The following SHPK variants were observed in gnomAD, a reference collection of about 807,000 sequenced individuals.
SHPK encodes the protein sedoheptulokinase, also known as carbohydrate kinase-like protein.
In SHPK, 51 loss-of-function variants were observed where a neutral mutation model predicts 46.3. The observed-to-expected ratio is 1.10, with a 90% confidence interval of 0.88 to 1.39. The LOEUF (loss-of-function observed/expected upper bound fraction) is 1.39. Among genes scored for constraint, SHPK ranks in the 40% most tolerant of loss-of-function variants. SHPK has a pLI of 0.00. For missense variants in SHPK, 668 were observed against 641.3 expected (o/e 1.04, Z -0.45); for synonymous variants, 290 against 273.9 (o/e 1.06, Z -0.58).
chr17:3,629,616 T>C (rs1198603333), intron 2 of SHPK, among the ~76,000 whole-genome samples: 1 of 151,404 alleles, frequency 6.6e-6, no homozygotes, highest in Non-Finnish European at 1.5e-5. Flanking sequence ...TAGTCCCAGC[T>C]ACTCTGGAGG....
chr17:3,622,359 G>A (rs1246735029), intron 4 of SHPK, among the ~76,000 whole-genome samples: 1 of 152,214 alleles, frequency 6.6e-6, no homozygotes, highest in African/African-American at 2.4e-5. Context: ...AGCCTCCCAT[G>A]TTTGAAGGGA....
Position 3,621,396 on chromosome 17 carries a change from A to G in SHPK, c.664T>C (p.Phe222Leu). The G allele has an allele frequency of 6.2e-7, 1 of 1,613,890 alleles. No individual in the cohort carries two copies. The highest frequency in any genetic ancestry group is 8.5e-7 in the Non-Finnish European group (1 of 1,179,896). ...WNVETLRSSGFPVHLLPDIAE... is the reference protein window; with the variant it reads ...WNVETLRSSGLPVHLLPDIAE... Reference sequence around the variant, plus strand: ...ATGTCTGGGAGCAGGTGGACAGGAAAACCCGAGCTCCTCAGTCTGTAAAAC... The same window carrying G: ...ATGTCTGGGAGCAGGTGGACAGGAAGACCCGAGCTCCTCAGTCTGTAAAAC... Residue 222 changes from phenylalanine (F) to leucine (L), a missense_variant, in exon 5 of 7, where the codon TTT (phenylalanine) becomes CTT (leucine). Physicochemically the swap from Phe to Leu is conservative, Grantham distance 22. Coordinates refer to ENST00000225519, the MANE Select transcript of SHPK (RefSeq NM_013276.4).
At position 3,608,776 on chromosome 17, in the gene SHPK, G is replaced by A. The variant is rs755673965; in HGVS notation, c.*1784C>T. The stretch of plus-strand genomic sequence containing the variant: ...CAAGGCTTTTCTGAGGATGATCTAC[G>A]AATTCTCCCCAGAGCACTTCAACCT... On this transcript the variant is annotated 3_prime_UTR_variant, in exon 7 of 7. Coordinates refer to ENST00000225519, the MANE Select transcript of SHPK (RefSeq NM_013276.4). 5.3e-5 allele frequency: 8 copies of A among 152,148 alleles called. No homozygotes were observed. The highest frequency in any genetic ancestry group is 1.7e-4 in the African/African-American group (7 of 41,432). 9.4% of individuals were successfully genotyped at this position (152,148 alleles called of 1,614,324 possible).
intron 6 of SHPK, among the ~76,000 whole-genome samples, chr17:3,613,669 A>G (rs571351794): frequency 7.9e-5 from 12 of 151,992 alleles, no homozygotes; most frequent in African/African-American, 2.4e-4. Flanking sequence ...GCGCCTGGCT[A>G]TTTTATTTTT....
intron 2 of SHPK, among the ~76,000 whole-genome samples, chr17:3,627,374 C>G (rs1410453458): frequency 1.3e-5 from 2 of 152,274 alleles, no homozygotes; most frequent in East Asian, 3.9e-4. Context: ...GGTGCCCTCA[C>G]TGAAGCACTT....
At chr17:3,619,626 G>C in intron 5 of SHPK, 1 of 371,028 alleles carries the variant, frequency 2.7e-6, no homozygotes, top group Non-Finnish European at 5.1e-6. Flanking sequence ...CCATCTACTC[G>C]GGAGGACAAG....
intron 4 of SHPK, chr17:3,622,679 C>A: frequency 2.4e-5 from 13 of 530,650 alleles, no homozygotes; most frequent in Non-Finnish European, 2.6e-5. Context: ...AGGCATCCTT[C>A]AAGCCTACTA....
chr17:3,621,561 C>A (rs222784), intron 4 of SHPK, 149 bp from the exon 5 acceptor site: 1 of 642,414 alleles, frequency 1.6e-6, no homozygotes, highest in Non-Finnish European at 2.6e-6. Flanking sequence ...TTTACTCCTT[C>A]CCTCTTTCCC....
chr17:3,628,326 CTT>C (rs145231493), intron 2 of SHPK, among the ~76,000 whole-genome samples: 47 of 144,754 alleles, frequency 3.2e-4, no homozygotes, highest in Non-Finnish European at 3.2e-4. Context: ...TTCATAATTT[CTT>C]TTTTTTTTTT....
chr17:3,620,812 G>C (rs2075396034), intron 5 of SHPK, among the ~76,000 whole-genome samples: 1 of 152,026 alleles, frequency 6.6e-6, no homozygotes. Flanking sequence ...GCCTGCCTCG[G>C]CCTCCCAAAG....
intron 5 of SHPK, among the ~76,000 whole-genome samples, chr17:3,616,015 G>A (rs1023972109): frequency 6.6e-6 from 1 of 151,924 alleles, no homozygotes; most frequent in Non-Finnish European, 1.5e-5. Context: ...TACCACGCCT[G>A]GCTAATTTTT....
At chr17:3,619,854 C>A in intron 5 of SHPK, 1 of 327,640 alleles carries the variant, frequency 3.1e-6, no homozygotes. Flanking sequence ...CTGCTGTCTA[C>A]CTGTGAGCAC....
At chr17:3,627,934 G>T (rs530327942) in intron 2 of SHPK, among the ~76,000 whole-genome samples, 9 of 151,924 alleles carry the variant, frequency 5.9e-5, no homozygotes, top group Admixed American at 1.3e-4. Flanking sequence ...GCCACTGCTC[G>T]GTGCCAAGCA....
In SHPK at chr17:3,625,864, A is replaced by C. The variant is rs139692677; in HGVS notation, c.311-1633T>G. ...GGTGAGGAGTTCGAGACCAGCCTGG[A>C]CAACATGGCGAAACCCCATCTCTAC... On this transcript the variant is annotated intron_variant, in intron 2 of 6. Transcript: ENST00000225519. Among the ~76,000 whole-genome samples, 361 of 152,112 alleles carry C rather than the reference A, an allele frequency of 2.4e-3. 4 individuals carry two copies. The East Asian group carries it at 0.024, about 10-fold the overall frequency.
At chr17:3,619,625 C>G (rs185697716) in intron 5 of SHPK, 330 of 370,192 alleles carry the variant, frequency 8.9e-4, no homozygotes, top group Non-Finnish European at 1.5e-3. Context: ...CCCATCTACT[C>G]GGGAGGACAA....
intron 2 of SHPK, among the ~76,000 whole-genome samples, chr17:3,629,265 GATC>G (rs2075456036): frequency 6.6e-6 from 1 of 152,142 alleles, no homozygotes; most frequent in Admixed American, 6.6e-5. Flanking sequence ...TATCCGACGA[GATC>G]ATGCAACTGA....
In SHPK at chr17:3,628,783, G is replaced by A. The variant is rs552146894; in HGVS notation, c.310+1422C>T. ...CTCACCTCAGCCTCCCAAGTAGCTG[G>A]GACTATAAACATGTCGCACCACACC... is the stretch of plus-strand genomic sequence containing the variant. On this transcript the variant is annotated intron_variant, in intron 2 of 6. Coordinates refer to ENST00000225519, the MANE Select transcript of SHPK (RefSeq NM_013276.4). Among the ~76,000 whole-genome samples the A allele has an allele frequency of 1.8e-3, 275 of 152,082 alleles. 2 individuals carry two copies. The highest frequency in any genetic ancestry group is 6.5e-3 in the African/African-American group (269 of 41,480).
At chr17:3,635,123 G>C (rs1173643780) in intron 1 of SHPK, among the ~76,000 whole-genome samples, 3 of 151,242 alleles carry the variant, frequency 2.0e-5, no homozygotes, top group Admixed American at 6.6e-5. Context: ...AGTGAGCCCA[G>C]ATCACGCCAC....
intron 1 of SHPK, among the ~76,000 whole-genome samples, chr17:3,635,236 A>AGGAAGGGAGGGAAGGAAGGAAG (rs1555556002): frequency 3.0e-5 from 4 of 132,356 alleles, no homozygotes; most frequent in Admixed American, 7.9e-5. Context: ...GAAGGAAGGA[A>AGGAAGGGAGGGAAGGAAGGAAG]GGAAGGAAGG....
Sources: gnomAD v4.1 joint callset for allele counts (sites outside exome capture counted in the v4.1 genomes callset) on GRCh38, gnomAD v4.1.1 for gene constraint, MANE v1.5 for transcripts, NCBI Gene and HGNC (gene_info 2026-07-23, HGNC 2026-07-21) for gene names.